Variants in MSRB3 observed in about 807,000 individuals in gnomAD.
The protein encoded by MSRB3 is methionine sulfoxide reductase B3, also known as methionine-R-sulfoxide reductase B3.
MSRB3 carries 13 observed loss-of-function variants against 21.0 expected under a neutral mutation model. The ratio of observed to expected loss-of-function variants is 0.62; its 90% CI spans 0.40 to 0.98. The LOEUF (loss-of-function observed/expected upper bound fraction) is 0.98, where lower values mean the gene tolerates loss of function less well. MSRB3 is among the 50% of genes least tolerant of loss of function. MSRB3 has a pLI of 0.00. For synonymous variants in MSRB3, 87 were observed against 88.6 expected (o/e 0.98, Z 0.10); for missense variants, 199 against 230.3 (o/e 0.86, Z 0.88).
At chr12:65,416,503 C>T (rs181794975) in intron 5 of MSRB3, among the ~76,000 whole-genome samples, 13 of 152,262 alleles carry the variant, frequency 8.5e-5, no homozygotes, top group Admixed American at 8.5e-4. Flanking sequence ...ATATACAAAC[C>T]TAGATGGGAT....
chr12:65,329,267 T>C (rs1255051871), intron 4 of MSRB3, among the ~76,000 whole-genome samples: 1 of 152,100 alleles, frequency 6.6e-6, no homozygotes, highest in African/African-American at 2.4e-5. Context: ...CAAAAACTTA[T>C]TTATCTAGGT....
chr12:65,368,254 A>G (rs1205810561), intron 4 of MSRB3, among the ~76,000 whole-genome samples: 1 of 152,164 alleles, frequency 6.6e-6, no homozygotes, highest in Non-Finnish European at 1.5e-5. Flanking sequence ...CTGTGAACAT[A>G]TATACTATTG....
At chr12:65,286,160 T>C (rs900267299) in intron 1 of MSRB3, 1 of 152,244 alleles carries the variant, frequency 6.6e-6, no homozygotes, top group African/African-American at 2.4e-5. Flanking sequence ...TTATGACTTA[T>C]AGAGTCTATG....
intron 3 of MSRB3, among the ~76,000 whole-genome samples, chr12:65,328,176 T>C (rs1302621205): frequency 1.3e-5 from 2 of 152,176 alleles, no homozygotes; most frequent in African/African-American, 4.8e-5. Context: ...CATTTTCTGG[T>C]ATATACTCTT....
intron 5 of MSRB3, among the ~76,000 whole-genome samples, chr12:65,449,849 T>C (rs1300347792): frequency 1.3e-5 from 2 of 152,224 alleles, no homozygotes; most frequent in South Asian, 2.1e-4. Flanking sequence ...ATGGTACAGA[T>C]AGAATTGGCT....
rs1871802428 is a variant in MSRB3, at chr12:65,278,724, G to A, written c.-193G>A. 1 of 1,527,160 alleles carries A rather than the reference G, an allele frequency of 6.5e-7. No individual in the cohort carries two copies. The highest frequency in any genetic ancestry group is 8.9e-7 in the Non-Finnish European group (1 of 1,124,814). The allele number at this position is 1,527,160 out of a possible 1,614,324, so 94.6% of individuals were successfully genotyped here. On this transcript the variant is annotated 5_prime_UTR_variant, in exon 1 of 7. Coordinates refer to ENST00000308259, the MANE Select transcript of MSRB3 (RefSeq NM_001031679.3). ...CGTCCGTCGCCCGGAGCCGGGGAGGGAGGGAGCGAGGTTCGGACACCGGCG... is the reference window on the plus strand; with the variant it reads ...CGTCCGTCGCCCGGAGCCGGGGAGGAAGGGAGCGAGGTTCGGACACCGGCG...
chr12:65,462,535 T>C (rs1883376039), intron 6 of MSRB3, among the ~76,000 whole-genome samples: 1 of 152,216 alleles, frequency 6.6e-6, no homozygotes, highest in African/African-American at 2.4e-5. Context: ...AGCATGACAC[T>C]ACTTGTTGGA....
intron 5 of MSRB3, among the ~76,000 whole-genome samples, chr12:65,399,673 T>C (rs957213127): frequency 6.6e-6 from 1 of 152,232 alleles, no homozygotes; most frequent in African/African-American, 2.4e-5. Context: ...CATCCTTGTC[T>C]TGTGCTGGTT....
chr12:65,431,263 G>A (rs1881863211), intron 5 of MSRB3, among the ~76,000 whole-genome samples: 1 of 151,988 alleles, frequency 6.6e-6, no homozygotes, highest in Admixed American at 6.6e-5. Context: ...CAAGAAAATT[G>A]AAAAATCAAT....
intron 1 of MSRB3, among the ~76,000 whole-genome samples, chr12:65,295,718 T>C (rs1455359085): frequency 1.3e-5 from 2 of 152,172 alleles, no homozygotes; most frequent in Admixed American, 6.5e-5. Flanking sequence ...GCTGTAAAAT[T>C]CCTATATAGA....
intron 5 of MSRB3, among the ~76,000 whole-genome samples, chr12:65,370,318 A>G (rs1026869667): frequency 4.6e-5 from 7 of 152,164 alleles, no homozygotes; most frequent in African/African-American, 1.7e-4. Flanking sequence ...AAAATAAATG[A>G]ATAAAGTTGA....
intron 5 of MSRB3, among the ~76,000 whole-genome samples, chr12:65,443,432 T>TA (rs1180122793): frequency 2.0e-5 from 3 of 151,988 alleles, no homozygotes; most frequent in African/African-American, 4.8e-5. Flanking sequence ...TTGATATTTG[T>TA]AAAAAAAATG....
At chr12:65,441,469 T>C (rs1307671089) in intron 5 of MSRB3, among the ~76,000 whole-genome samples, 1 of 152,010 alleles carries the variant, frequency 6.6e-6, no homozygotes, top group Admixed American at 6.6e-5. Context: ...CTTGTATCTG[T>C]GTATTTTAAA....
intron 1 of MSRB3, among the ~76,000 whole-genome samples, chr12:65,298,366 A>C (rs1429139876): frequency 6.6e-6 from 1 of 152,236 alleles, no homozygotes; most frequent in African/African-American, 2.4e-5. Context: ...GAAAGTAATA[A>C]ATGAATTGAG....
intron 5 of MSRB3, among the ~76,000 whole-genome samples, chr12:65,440,707 T>A (rs1031501847): frequency 6.6e-6 from 1 of 151,956 alleles, no homozygotes; most frequent in Non-Finnish European, 1.5e-5. Context: ...CAAGAAATAG[T>A]AACCTATGGA....
rs146838876 is a variant in MSRB3, at chr12:65,421,809, G to A, written c.293-31919G>A. On this transcript the variant is annotated intron_variant, in intron 5 of 6. Coordinates refer to ENST00000308259, the MANE Select transcript of MSRB3 (RefSeq NM_001031679.3). ...GTACACAGACTAGTGACACTACAGG[G>A]CAACCACACAAACAAGTTGGCATAA... 2.6e-4 allele frequency among the ~76,000 whole-genome samples: 40 copies of A among 152,182 alleles called. No individual in the cohort carries two copies. In the East Asian group the frequency reaches 5.4e-3, roughly 21 times the overall value.
intron 5 of MSRB3, among the ~76,000 whole-genome samples, chr12:65,380,520 A>G (rs1477764710): frequency 6.6e-6 from 1 of 152,182 alleles, no homozygotes; most frequent in Non-Finnish European, 1.5e-5. Context: ...GGCTGCAGTG[A>G]GCCAAGATCG....
chr12:65,449,992 T>G (rs1209688051), intron 5 of MSRB3, among the ~76,000 whole-genome samples: 1 of 152,150 alleles, frequency 6.6e-6, no homozygotes, highest in Non-Finnish European at 1.5e-5. Flanking sequence ...CATTTAGAAT[T>G]TGTCAACAGA....
Position 65,287,639 on chromosome 12 carries a change from C to G in MSRB3, c.-52+8774C>G, listed in dbSNP as rs562409580. Among the ~76,000 whole-genome samples the G allele has an allele frequency of 1.0e-3, 154 of 152,274 alleles. 2 individuals carry two copies. The South Asian group carries it at 0.03, about 30-fold the overall frequency. On this transcript the variant is annotated intron_variant, in intron 1 of 6. Transcript: ENST00000308259. ...CCACAAGTTGTTTTGCAACTCTGGT[C>G]TCACAGTAATTGAGAGCAAAAAGGA...
Sources: gnomAD v4.1 joint callset for allele counts (sites outside exome capture counted in the v4.1 genomes callset) on GRCh38, gnomAD v4.1.1 for gene constraint, MANE v1.5 for transcripts, NCBI Gene and HGNC (gene_info 2026-07-23, HGNC 2026-07-21) for gene names.